The following TRPM1 variants were observed in gnomAD, a reference collection of about 807,000 sequenced individuals.
The protein encoded by TRPM1 is TRPM1-203 APA Isoform, Intron 10.
A neutral mutation model predicts 149.4 loss-of-function variants in TRPM1; 113 were observed. The observed-to-expected ratio is 0.76, with a 90% confidence interval of 0.65 to 0.88. The LOEUF is 0.88. Ranked by LOEUF, TRPM1 falls within the 40% of genes least tolerant of loss-of-function variation. TRPM1 has a pLI of 0.00. For synonymous variants in TRPM1, 741 were observed against 759.5 expected, an observed-to-expected ratio of 0.98 and a Z score of 0.40; for missense variants, 1,976 against 2,038.7, an observed-to-expected ratio of 0.97 and a Z score of 0.59.
intron 1 of TRPM1, among the ~76,000 whole-genome samples, chr15:31,097,840 CTG>C (rs1391000773): frequency 2.0e-5 from 3 of 152,112 alleles, no homozygotes; most frequent in African/African-American, 7.2e-5. Context: ...TGGAGACATG[CTG>C]TGAGTGTGAG....
In TRPM1 at chr15:31,066,172, T is replaced by C; in HGVS notation, c.694A>G (p.Ile232Val). The change falls in exon 7 of 28, where the codon ATC (isoleucine) becomes GTC (valine). Residue 232 changes from isoleucine to valine, a missense_variant. Ile to Val is a conservative substitution (Grantham distance 29). Coordinates refer to ENST00000256552, the MANE Select transcript of TRPM1 (RefSeq NM_001252024.2). ...CCCAGGGTGCCATTGTCAGCCAGGA[T>C]GAAGTGGGTGTGGGAGTTGTTGAGC... is the stretch of plus-strand genomic sequence containing the variant. ...SVLNNSHTHF[I>V]LADNGTLGKY... The C allele has an allele frequency of 6.2e-7, 1 of 1,614,102 alleles. No individual in the cohort carries two copies. The highest frequency in any genetic ancestry group is 1.1e-5 in the South Asian group (1 of 91,082).
At chr15:31,038,361 A>C (rs1284996109) in intron 18 of TRPM1, among the ~76,000 whole-genome samples, 195 bp from the exon 19 acceptor site, 1 of 152,224 alleles carries the variant, frequency 6.6e-6, no homozygotes, top group African/African-American at 2.4e-5. Flanking sequence ...ATTTAAGAAC[A>C]TACACTAAAT....
chr15:31,125,729 C>CA (rs59878175), intron 1 of TRPM1, among the ~76,000 whole-genome samples: 6,087 of 52,642 alleles, frequency 0.12, 1,123 homozygotes, highest in East Asian at 0.76. Context: ...GACTCCGTCT[C>CA]AAAAAAAAAA....
chr15:31,064,916 C>G (rs373838957), intron 7 of TRPM1: 2 of 430,840 alleles, frequency 4.6e-6, no homozygotes, highest in African/African-American at 2.0e-5. Flanking sequence ...TTTGAGATTT[C>G]CAACCCAAGC....
At chr15:31,088,272 G>C (rs981383920) in intron 1 of TRPM1, among the ~76,000 whole-genome samples, 4 of 152,236 alleles carry the variant, frequency 2.6e-5, no homozygotes, top group Non-Finnish European at 5.9e-5. Context: ...TGTGGGTGGG[G>C]CCAAATAAGG....
At chr15:31,044,431 T>C (rs1458963760) in intron 16 of TRPM1, among the ~76,000 whole-genome samples, 1 of 151,966 alleles carries the variant, frequency 6.6e-6, no homozygotes, top group Admixed American at 6.6e-5. Flanking sequence ...CAGTAAAATA[T>C]GTAGGAAAGA....
At chr15:31,075,881 GTT>G (rs201131359) in intron 3 of TRPM1, among the ~76,000 whole-genome samples, 20 of 142,992 alleles carry the variant, frequency 1.4e-4, no homozygotes, top group African/African-American at 1.8e-4. Flanking sequence ...TTTCATTCTA[GTT>G]TTTTTTTTTT....
chr15:31,116,929 T>G (rs953897892), intron 1 of TRPM1, among the ~76,000 whole-genome samples: 2 of 152,140 alleles, frequency 1.3e-5, no homozygotes, highest in African/African-American at 4.8e-5. Context: ...ATAAAATAAT[T>G]ACAAGGTATG....
At chr15:31,087,119 G>T (rs2035022504) in intron 1 of TRPM1, among the ~76,000 whole-genome samples, 1 of 151,540 alleles carries the variant, frequency 6.6e-6, no homozygotes, top group Non-Finnish European at 1.5e-5. Flanking sequence ...CTTGTTCATT[G>T]CTGGCAGGAA....
chr15:31,002,842 G>A lies in TRPM1; in HGVS notation c.3858C>T (p.Ile1286=). 6.2e-7 allele frequency: 1 copy of A among 1,614,222 alleles called. No individual in the cohort carries two copies. Among genetic ancestry groups the A allele is most frequent in the Non-Finnish European group, 8.5e-7 (1 of 1,180,048 alleles). Residue 1286 remains isoleucine (I), a synonymous_variant, in exon 28 of 28, where the codon ATC becomes ATT. Coordinates refer to ENST00000256552, the MANE Select transcript of TRPM1 (RefSeq NM_001252024.2). Reference sequence around the variant, plus strand: ...ACAAGCTGTAGCCATCAGCGCTATTGATGCTGCTTTGCCGGAGAAGATACG... The same window carrying A: ...ACAAGCTGTAGCCATCAGCGCTATTAATGCTGCTTTGCCGGAGAAGATACG... ...EATYLLRQSS[I]NSADGYSLYR... is the part of the protein sequence containing the mutation.
chr15:31,029,481 TA>T, intron 23 of TRPM1, 90 bp from the exon 24 acceptor site: 1 of 1,314,360 alleles, frequency 7.6e-7, no homozygotes, highest in Non-Finnish European at 1.1e-6. Context: ...GAGAGAAAAG[TA>T]AAACAAGTGG....
At chr15:31,102,655 C>T (rs1433823581), upstream of TRPM1, among the ~76,000 whole-genome samples, 1 of 152,216 alleles carries the variant, frequency 6.6e-6, no homozygotes, top group African/African-American at 2.4e-5. Flanking sequence ...GGCTCACTCC[C>T]CCACCCAATG....
intron 1 of TRPM1, among the ~76,000 whole-genome samples, chr15:31,090,566 G>C (rs2035207908): frequency 6.6e-6 from 1 of 152,016 alleles, no homozygotes; most frequent in South Asian, 2.1e-4. Context: ...GAACCTGGGA[G>C]GCAGAGGTTA....
chr15:31,049,282 G>A, intron 13 of TRPM1, 93 bp downstream of exon 13: 1 of 1,582,786 alleles, frequency 6.3e-7, no homozygotes, highest in Non-Finnish European at 8.6e-7. Context: ...GCTGAAGGAG[G>A]TCAGATGAGC....
chr15:31,025,029 C>T (rs1487225746), intron 27 of TRPM1, among the ~76,000 whole-genome samples: 1 of 152,114 alleles, frequency 6.6e-6, no homozygotes, highest in African/African-American at 2.4e-5. Flanking sequence ...GTTCACTGGC[C>T]TCAACATGCA....
intron 21 of TRPM1, among the ~76,000 whole-genome samples, chr15:31,034,380 T>TC (rs986422727): frequency 3.9e-5 from 6 of 152,226 alleles, no homozygotes; most frequent in African/African-American, 1.4e-4. Context: ...CTGGAGCTTT[T>TC]CCCCAGGTGG....
chr15:31,044,570 C>T (rs1385123228), intron 16 of TRPM1, among the ~76,000 whole-genome samples: 1 of 152,012 alleles, frequency 6.6e-6, no homozygotes, highest in Non-Finnish European at 1.5e-5. Context: ...AATCTGAGAT[C>T]AGAAGTTTGA....
At chr15:31,013,663 G>A (rs2032261944) in intron 27 of TRPM1, among the ~76,000 whole-genome samples, 1 of 152,098 alleles carries the variant, frequency 6.6e-6, no homozygotes, top group Non-Finnish European at 1.5e-5. Flanking sequence ...GGCAATTCTA[G>A]AAATCAGATT....
intron 11 of TRPM1, among the ~76,000 whole-genome samples, chr15:31,055,954 C>T (rs1324027689): frequency 1.3e-5 from 2 of 152,052 alleles, no homozygotes; most frequent in Non-Finnish European, 2.9e-5. Flanking sequence ...AAGATAACTT[C>T]AAAAAATCTA....
Sources: allele counts gnomAD v4.1 joint callset (sites outside exome capture counted in the v4.1 genomes callset), GRCh38; gene constraint gnomAD v4.1.1; transcripts MANE v1.5; gene names NCBI Gene and HGNC (gene_info 2026-07-23, HGNC 2026-07-21).